Variants in AGBL4 observed in about 807,000 individuals in gnomAD.
AGBL4 encodes cytosolic carboxypeptidase 6.
A neutral mutation model predicts 66.4 loss-of-function variants in AGBL4; 58 were observed. The observed-to-expected ratio is 0.87, with a 90% CI of 0.71 to 1.09. AGBL4 has a LOEUF of 1.09. Among genes scored for constraint, AGBL4 ranks in the 50% least tolerant of loss-of-function variants. The pLI, the probability that AGBL4 is intolerant of heterozygous loss-of-function variation, is 0.00. For missense variants in AGBL4, 579 were observed against 631.0 expected (o/e 0.92, Z 0.88); for synonymous variants, 234 against 222.9 (o/e 1.05, Z -0.44).
intron 9 of AGBL4, among the ~76,000 whole-genome samples, chr1:48,596,582 G>T (rs1230456230): frequency 1.3e-5 from 2 of 151,938 alleles, no homozygotes; most frequent in East Asian, 3.9e-4. Flanking sequence ...TAATGCAAAG[G>T]TTCTTTATCA....
At chr1:49,020,717 C>A (rs1663181425) in intron 5 of AGBL4, among the ~76,000 whole-genome samples, 1 of 152,170 alleles carries the variant, frequency 6.6e-6, no homozygotes, top group South Asian at 2.1e-4. Context: ...AGAGCAAGAT[C>A]TAACTCCAAG....
chr1:49,910,406 G>A (rs1179241184), intron 1 of AGBL4, among the ~76,000 whole-genome samples: 1 of 152,148 alleles, frequency 6.6e-6, no homozygotes, highest in African/African-American at 2.4e-5. Context: ...GTGGAGTAGT[G>A]GGCAATGAAA....
intron 1 of AGBL4, among the ~76,000 whole-genome samples, chr1:49,916,544 A>C (rs1407339604): frequency 6.6e-6 from 1 of 152,214 alleles, no homozygotes; most frequent in African/African-American, 2.4e-5. Context: ...AAAAAGAGTA[A>C]AAAGAAAAGA....
At chr1:49,663,631 G>A (rs1191182318) in intron 3 of AGBL4, among the ~76,000 whole-genome samples, 3 of 151,942 alleles carry the variant, frequency 2.0e-5, no homozygotes, top group African/African-American at 7.2e-5. Context: ...ACAATTAGTG[G>A]TACCATAATT....
intron 2 of AGBL4, among the ~76,000 whole-genome samples, chr1:49,832,759 A>C (rs74548534): frequency 6.6e-6 from 1 of 151,978 alleles, no homozygotes; most frequent in Non-Finnish European, 1.5e-5. Flanking sequence ...GATGGTGAGC[A>C]TTTTTTCATG....
intron 5 of AGBL4, among the ~76,000 whole-genome samples, chr1:48,877,350 A>T (rs10157904): frequency 0.016 from 2,437 of 152,204 alleles, 63 homozygotes; most frequent in African/African-American, 0.052. Context: ...CGTTTTAGAC[A>T]TGGTAATTAA....
At chr1:48,806,939 T>C (rs1192793445) in intron 6 of AGBL4, among the ~76,000 whole-genome samples, 1 of 152,132 alleles carries the variant, frequency 6.6e-6, no homozygotes, top group Non-Finnish European at 1.5e-5. Context: ...TATATGTGTG[T>C]GTGTGTGTGT....
chr1:49,046,004 T>G (rs1644070452), intron 4 of AGBL4, among the ~76,000 whole-genome samples: 1 of 152,198 alleles, frequency 6.6e-6, no homozygotes, highest in Non-Finnish European at 1.5e-5. Flanking sequence ...AGTGCCACCC[T>G]TTCTCAACTG....
At position 49,579,225 on chromosome 1, in the gene AGBL4, A is replaced by T. The variant is rs1216871693; in HGVS notation, c.282+118088T>A. 3.3e-5 allele frequency among the ~76,000 whole-genome samples: 5 copies of T among 152,316 alleles called. 1 individual carries two copies. Among genetic ancestry groups the T allele is most frequent in the African/African-American group, 7.2e-5 (3 of 41,576 alleles). ...TAATAAACTCATCTATATATGATAAATATCAAGAATATATATACATCTCTC... is the reference window on the plus strand; with the variant it reads ...TAATAAACTCATCTATATATGATAATTATCAAGAATATATATACATCTCTC... On this transcript the variant is annotated intron_variant, in intron 3 of 13. Coordinates refer to ENST00000371839, the MANE Select transcript of AGBL4 (RefSeq NM_032785.4).
chr1:48,943,886 G>C (rs568723325), intron 5 of AGBL4, among the ~76,000 whole-genome samples: 1 of 152,214 alleles, frequency 6.6e-6, no homozygotes, highest in South Asian at 2.1e-4. Flanking sequence ...TGGAGGATGG[G>C]CTAAATGTCA....
chr1:49,954,643 A>T (rs12725998), intron 1 of AGBL4, among the ~76,000 whole-genome samples: 1 of 151,800 alleles, frequency 6.6e-6, no homozygotes, highest in Non-Finnish European at 1.5e-5. Flanking sequence ...GACATTTCAT[A>T]TGGCACTATA....
At chr1:48,858,352 C>T (rs1647232940) in intron 6 of AGBL4, among the ~76,000 whole-genome samples, 1 of 152,196 alleles carries the variant, frequency 6.6e-6, no homozygotes, top group Non-Finnish European at 1.5e-5. Context: ...TAATTAAAAA[C>T]ATCTGTCCAC....
At chr1:48,657,284 T>C (rs1024861184) in intron 7 of AGBL4, among the ~76,000 whole-genome samples, 2 of 152,184 alleles carry the variant, frequency 1.3e-5, no homozygotes, top group Non-Finnish European at 2.9e-5. Flanking sequence ...AATATACAAG[T>C]ATTGTTTTCA....
intron 6 of AGBL4, among the ~76,000 whole-genome samples, chr1:48,718,039 C>A (rs1035176209): frequency 1.3e-5 from 2 of 152,194 alleles, no homozygotes; most frequent in Non-Finnish European, 2.9e-5. Context: ...AAAGCATCGG[C>A]ATGCTCCTGT....
At position 49,889,406 on chromosome 1, in the gene AGBL4, CTGAAG is replaced by C. The variant is rs1648405414; in HGVS notation, c.35-37893_35-37889del. On this transcript the variant is annotated intron_variant, in intron 1 of 13. Transcript: ENST00000371839. ...AATACTTTTTTTCTTTTTCAATTCA[CTGAAG>C]TGATGACATATTTTGTATTTTCTAA... 2.0e-5 allele frequency among the ~76,000 whole-genome samples: 3 copies of C among 152,198 alleles called. No individual in the cohort carries two copies. In the South Asian group the frequency reaches 6.2e-4, roughly 32 times the overall value.
chr1:49,676,737 AT>A (rs1646585940), intron 3 of AGBL4, among the ~76,000 whole-genome samples: 2 of 152,112 alleles, frequency 1.3e-5, no homozygotes, highest in African/African-American at 4.8e-5. Context: ...CCTTTATGAC[AT>A]GTTCACATCA....
chr1:48,653,217 C>G (rs1275580623), intron 8 of AGBL4, 120 bp downstream of exon 8: 1 of 741,228 alleles, frequency 1.3e-6, no homozygotes, highest in Non-Finnish European at 2.1e-6. Flanking sequence ...GAAACTTTCT[C>G]TAATGAACTC....
chr1:49,685,744 G>A (rs1410094659), intron 3 of AGBL4, among the ~76,000 whole-genome samples: 2 of 151,984 alleles, frequency 1.3e-5, no homozygotes, highest in Admixed American at 6.6e-5. Flanking sequence ...TTTTCATCAG[G>A]TTGTTTTTTG....
At chr1:48,808,467 G>A (rs901355534) in intron 6 of AGBL4, among the ~76,000 whole-genome samples, 3 of 152,152 alleles carry the variant, frequency 2.0e-5, no homozygotes, top group African/African-American at 7.2e-5. Flanking sequence ...CCAGGGCCCT[G>A]GTAAGTCAGG....
Sources: allele counts gnomAD v4.1 joint callset (sites outside exome capture counted in the v4.1 genomes callset), GRCh38; gene constraint gnomAD v4.1.1; transcripts MANE v1.5; gene names NCBI Gene and HGNC (gene_info 2026-07-23, HGNC 2026-07-21).